SNX24: variants seen among roughly 807,000 people sequenced by gnomAD.
SNX24 encodes sorting nexin-24.
In SNX24, 22 loss-of-function variants were observed where a neutral mutation model predicts 28.7. The observed-to-expected ratio is 0.77, with a 90% CI of 0.55 to 1.10. The LOEUF is 1.10. Ranked by LOEUF, SNX24 falls within the 50% of genes least tolerant of loss-of-function variation. SNX24 has a pLI of 0.00. For missense variants in SNX24, 221 were observed against 201.1 expected (o/e 1.10, Z -0.60); for synonymous variants, 69 against 71.5 (o/e 0.96, Z 0.18).
At chr5:122,995,836 A>G (rs1762034432) in intron 3 of SNX24, among the ~76,000 whole-genome samples, 1 of 152,160 alleles carries the variant, frequency 6.6e-6, no homozygotes, top group East Asian at 1.9e-4. Flanking sequence ...TCACTGGGTA[A>G]TTAAGTAGAT....
chr5:122,875,443 T>C (rs1306100217), intron 1 of SNX24, among the ~76,000 whole-genome samples: 2 of 152,216 alleles, frequency 1.3e-5, no homozygotes, highest in Middle Eastern at 3.2e-3. Context: ...CATAATTTGC[T>C]TGGGGCTTAT....
At chr5:123,023,623 T>A in intron 5 of SNX24, 1 of 337,708 alleles carries the variant, frequency 3.0e-6, no homozygotes, top group Non-Finnish European at 4.8e-6. Context: ...AAGTTTTTTT[T>A]AGTTTTAAAA....
At chr5:123,004,878 CACAAT>C (rs111289466) in intron 6 of SNX24, among the ~76,000 whole-genome samples, 34,141 of 152,014 alleles carry the variant, frequency 0.22, 4,837 homozygotes, top group Non-Finnish European at 0.33. Flanking sequence ...TCTACCCATT[CACAAT>C]ACATGTTCAT....
intron 5 of SNX24, among the ~76,000 whole-genome samples, chr5:123,018,882 T>G (rs1762724203): frequency 6.6e-6 from 1 of 152,172 alleles, no homozygotes; most frequent in South Asian, 2.1e-4. Flanking sequence ...CAATGGGGTT[T>G]CACCATATTG....
chr5:122,863,376 G>A (rs141166942), intron 1 of SNX24, among the ~76,000 whole-genome samples: 5 of 152,214 alleles, frequency 3.3e-5, no homozygotes, highest in South Asian at 2.1e-4. Flanking sequence ...AAAGGATCCA[G>A]TGGGTTTGGA....
At chr5:122,982,977 A>T (rs1352923795) in intron 3 of SNX24, 1 of 152,160 alleles carries the variant, frequency 6.6e-6, no homozygotes, top group Non-Finnish European at 1.5e-5. Flanking sequence ...GGTAATAATA[A>T]TGCAGGCTAT....
intron 3 of SNX24, among the ~76,000 whole-genome samples, chr5:122,991,448 T>G (rs77792880): frequency 0.024 from 3,706 of 152,198 alleles, 135 homozygotes; most frequent in African/African-American, 0.071. Context: ...CCTTTTGTTT[T>G]TTGTTTTGTT....
chr5:122,891,070 CAT>C, intron 1 of SNX24: 1 of 1,533,650 alleles, frequency 6.5e-7, no homozygotes, highest in Non-Finnish European at 8.8e-7. Context: ...AAAATGGAAT[CAT>C]ATGAAGTTAT....
chr5:122,888,687 A>T (rs1196457707), intron 1 of SNX24, among the ~76,000 whole-genome samples: 1 of 152,126 alleles, frequency 6.6e-6, no homozygotes, highest in Non-Finnish European at 1.5e-5. Context: ...CCACAACTCT[A>T]AGTGGCCATA....
At chr5:122,945,174 C>T (rs982116997) in intron 2 of SNX24, among the ~76,000 whole-genome samples, 3 of 152,100 alleles carry the variant, frequency 2.0e-5, no homozygotes, top group African/African-American at 2.4e-5. Context: ...CTTTCTCCAT[C>T]GTCAGAGTCA....
intron 1 of SNX24, among the ~76,000 whole-genome samples, chr5:122,853,233 T>C (rs577443358): frequency 6.8e-6 from 1 of 147,218 alleles, no homozygotes; most frequent in African/African-American, 2.5e-5. Context: ...TTCACGCCAT[T>C]CTCCTGCCTC....
At chr5:122,845,791 G>T (rs1581658665) in intron 1 of SNX24, 98 bp downstream of exon 1, 5 of 662,466 alleles carry the variant, frequency 7.5e-6, no homozygotes, top group East Asian at 6.8e-5. Flanking sequence ...GGCGCAGGGG[G>T]TCCCCTCGTT....
intron 1 of SNX24, among the ~76,000 whole-genome samples, chr5:122,926,234 G>T (rs1344865719): frequency 6.6e-6 from 1 of 152,174 alleles, no homozygotes; most frequent in Non-Finnish European, 1.5e-5. Flanking sequence ...GTTATAGGTG[G>T]CAGTGAGGGA....
chr5:122,969,241 C>A (rs1760847034), intron 3 of SNX24, among the ~76,000 whole-genome samples: 2 of 152,138 alleles, frequency 1.3e-5, no homozygotes, highest in South Asian at 4.1e-4. Flanking sequence ...AATGTGTCCA[C>A]CTCTTGCTTG....
At chr5:122,859,655 T>C (rs1370337518) in intron 1 of SNX24, among the ~76,000 whole-genome samples, 1 of 152,108 alleles carries the variant, frequency 6.6e-6, no homozygotes, top group Non-Finnish European at 1.5e-5. Context: ...TGTAAAATAT[T>C]TGAGGATATT....
chr5:122,968,283 A>T (rs1760800475), intron 3 of SNX24, among the ~76,000 whole-genome samples: 1 of 152,118 alleles, frequency 6.6e-6, no homozygotes. Flanking sequence ...GGAGGCGGAG[A>T]TTGCAGCAAG....
At chr5:122,892,431 T>A (rs1757012994) in intron 1 of SNX24, among the ~76,000 whole-genome samples, 2 of 151,902 alleles carry the variant, frequency 1.3e-5, no homozygotes, top group Admixed American at 1.3e-4. Context: ...TTAAATAAAT[T>A]TATTTATTTT....
At chr5:122,941,778 T>A (rs1561631764) in intron 2 of SNX24, among the ~76,000 whole-genome samples, 1 of 152,240 alleles carries the variant, frequency 6.6e-6, no homozygotes, top group Non-Finnish European at 1.5e-5. Context: ...TATGAATTAC[T>A]AGAGGATCAG....
chr5:122,968,086 C>T (rs768067422), intron 3 of SNX24, among the ~76,000 whole-genome samples: 4 of 152,190 alleles, frequency 2.6e-5, no homozygotes, highest in Non-Finnish European at 4.4e-5. Context: ...CTATAAAATT[C>T]TCTCTACCTC....
Sources: gnomAD v4.1 joint callset for allele counts (sites outside exome capture counted in the v4.1 genomes callset) on GRCh38, gnomAD v4.1.1 for gene constraint, MANE v1.5 for transcripts, NCBI Gene and HGNC (gene_info 2026-07-23, HGNC 2026-07-21) for gene names.